The following CPPED1 variants were observed in gnomAD, a reference collection of about 807,000 sequenced individuals.
CPPED1 encodes serine/threonine-protein phosphatase CPPED1.
In CPPED1, 28 loss-of-function variants were observed where a neutral mutation model predicts 28.0. That is an observed-to-expected ratio of 1.00 (90% confidence interval 0.74 to 1.37). The LOEUF is 1.37. Ranked by LOEUF, CPPED1 falls within the 40% of genes most tolerant of loss-of-function variation. The probability of loss-of-function intolerance (pLI) is 0.00; values close to 1 mark genes in which losing one functional copy is unlikely to be tolerated. For synonymous variants in CPPED1, 198 were observed against 180.2 expected, an observed-to-expected ratio of 1.10 and a Z score of -0.79; for missense variants, 504 against 416.5, an observed-to-expected ratio of 1.21 and a Z score of -1.83.
At chr16:12,786,734 C>A (rs1470937411) in intron 1 of CPPED1, among the ~76,000 whole-genome samples, 1 of 152,172 alleles carries the variant, frequency 6.6e-6, no homozygotes, top group Admixed American at 6.5e-5. Flanking sequence ...TCCTGGCCAA[C>A]ATGGTGAAAC....
intron 1 of CPPED1, among the ~76,000 whole-genome samples, chr16:12,790,074 T>G (rs1438595363): frequency 1.3e-5 from 2 of 152,168 alleles, no homozygotes; most frequent in Non-Finnish European, 2.9e-5. Flanking sequence ...TCTTTAAACA[T>G]TATCAGGTGC....
At chr16:12,749,776 C>T (rs1013657702) in intron 2 of CPPED1, among the ~76,000 whole-genome samples, 1 of 152,108 alleles carries the variant, frequency 6.6e-6, no homozygotes, top group African/African-American at 2.4e-5. Context: ...TTAGTAGAGA[C>T]GGGGGATTTC....
chr16:12,745,391 T>C (rs1254111215), intron 2 of CPPED1, among the ~76,000 whole-genome samples: 1 of 152,176 alleles, frequency 6.6e-6, no homozygotes, highest in Admixed American at 6.5e-5. Context: ...TGCAGCACTG[T>C]TCACAATAGA....
chr16:12,702,774 G>T (rs1420208396), intron 3 of CPPED1, among the ~76,000 whole-genome samples: 1 of 151,732 alleles, frequency 6.6e-6, no homozygotes, highest in Non-Finnish European at 1.5e-5. Flanking sequence ...GAGGTGGGTG[G>T]ATCACCTGAC....
intron 3 of CPPED1, among the ~76,000 whole-genome samples, chr16:12,674,065 A>T (rs1567272356): frequency 6.6e-6 from 1 of 152,128 alleles, no homozygotes; most frequent in South Asian, 2.1e-4. Flanking sequence ...ATAATAATAA[A>T]AAATAACGAT....
chr16:12,741,597 T>C (rs571395673), intron 2 of CPPED1, among the ~76,000 whole-genome samples: 1 of 152,292 alleles, frequency 6.6e-6, no homozygotes, highest in South Asian at 2.1e-4. Context: ...TGAATTTCTA[T>C]GGGACAGAAG....
At chr16:12,725,494 G>A (rs2080165137) in intron 2 of CPPED1, among the ~76,000 whole-genome samples, 1 of 152,134 alleles carries the variant, frequency 6.6e-6, no homozygotes, top group South Asian at 2.1e-4. Context: ...GATTCACGCA[G>A]CATCAATCCC....
In CPPED1 at chr16:12,729,603, T is replaced by A. The variant is rs555010234; in HGVS notation, c.290-24554A>T. On this transcript the variant is annotated intron_variant, in intron 2 of 3. Coordinates refer to ENST00000381774, the MANE Select transcript of CPPED1 (RefSeq NM_018340.3). ...GGCGGAGGCATTAAAATTTTGTTTT[T>A]ATAAAGCCACTGAGCAGAAATGACT... Among the ~76,000 whole-genome samples, 1,238 of 152,314 alleles carry A rather than the reference T, an allele frequency of 8.1e-3. 18 individuals carry two copies. Among genetic ancestry groups the A allele is most frequent in the East Asian group, 0.063 (324 of 5,182 alleles).
Position 12,705,012 on chromosome 16 carries a change from C to T in CPPED1, c.327G>A (p.Lys109=), listed in dbSNP as rs962306773. 4.3e-6 allele frequency: 7 copies of T among 1,613,396 alleles called. No individual in the cohort carries two copies. In the African/African-American group the frequency reaches 6.7e-5, roughly 15 times the overall value. Residue 109 remains lysine, a synonymous_variant, in exon 3 of 4, where the codon AAG becomes AAA. Coordinates refer to ENST00000381774, the MANE Select transcript of CPPED1 (RefSeq NM_018340.3). ...PWRTEQTEDL[K]RVLRAVDRAI... ...CCCTGTCCACTGCCCTAAGCACTCGCTTCAGGTCCTCCGTCTGCTCCGTCC... is the reference window on the plus strand; with the variant it reads ...CCCTGTCCACTGCCCTAAGCACTCGTTTCAGGTCCTCCGTCTGCTCCGTCC...
At chr16:12,795,010 C>G (rs1007957540) in intron 1 of CPPED1, among the ~76,000 whole-genome samples, 7 of 152,206 alleles carry the variant, frequency 4.6e-5, no homozygotes, top group African/African-American at 1.4e-4. Flanking sequence ...ATTTCCAGAA[C>G]CTCTCTCACT....
chr16:12,735,909 A>G (rs2080224398), intron 2 of CPPED1, among the ~76,000 whole-genome samples: 1 of 152,208 alleles, frequency 6.6e-6, no homozygotes, highest in Non-Finnish European at 1.5e-5. Flanking sequence ...TAAGGAAAGA[A>G]AGTTATATTT....
chr16:12,745,509 C>G (rs1430805778), intron 2 of CPPED1, among the ~76,000 whole-genome samples: 1 of 152,214 alleles, frequency 6.6e-6, no homozygotes, highest in East Asian at 1.9e-4. Context: ...GGAACGAGAT[C>G]ATGTCTTTTG....
chr16:12,728,270 C>T (rs965480309), intron 2 of CPPED1, among the ~76,000 whole-genome samples: 4 of 151,890 alleles, frequency 2.6e-5, no homozygotes, highest in Non-Finnish European at 4.4e-5. Flanking sequence ...CAGTAATAAG[C>T]ATATTAAATG....
chr16:12,777,777 T>A (rs186850720), intron 2 of CPPED1, among the ~76,000 whole-genome samples: 1 of 152,156 alleles, frequency 6.6e-6, no homozygotes, highest in African/African-American at 2.4e-5. Context: ...CATCTAACAC[T>A]GTAATTGGCA....
intron 2 of CPPED1, among the ~76,000 whole-genome samples, chr16:12,724,919 TGGGACTACA>T (rs1382592174): frequency 6.6e-6 from 1 of 151,984 alleles, no homozygotes; most frequent in African/African-American, 2.4e-5. Flanking sequence ...CCCGAGTAGC[TGGGACTACA>T]GGCACCTGCC....
At chr16:12,779,108 C>T (rs577061321) in intron 2 of CPPED1, among the ~76,000 whole-genome samples, 2 of 152,300 alleles carry the variant, frequency 1.3e-5, no homozygotes, top group Admixed American at 1.3e-4. Context: ...GAATTCAGAA[C>T]AAGTTGGTAA....
At chr16:12,705,360 C>T (rs2080044371) in intron 2 of CPPED1, among the ~76,000 whole-genome samples, 1 of 152,150 alleles carries the variant, frequency 6.6e-6, no homozygotes, top group East Asian at 1.9e-4. Flanking sequence ...CAGTGGCTCA[C>T]ACCTGTAATA....
At chr16:12,786,014 T>C (rs1159824216) in intron 1 of CPPED1, among the ~76,000 whole-genome samples, 1 of 151,802 alleles carries the variant, frequency 6.6e-6, no homozygotes, top group Non-Finnish European at 1.5e-5. Context: ...ATGAGATTAC[T>C]CGGTCAAACA....
At chr16:12,762,943 C>A in intron 2 of CPPED1, among the ~76,000 whole-genome samples, 1 of 151,900 alleles carries the variant, frequency 6.6e-6, no homozygotes, top group Non-Finnish European at 1.5e-5. Context: ...GAAATGAAGT[C>A]TTGCGCCGGG....
Sources: gnomAD v4.1 joint callset for allele counts (sites outside exome capture counted in the v4.1 genomes callset) on GRCh38, gnomAD v4.1.1 for gene constraint, MANE v1.5 for transcripts, NCBI Gene and HGNC (gene_info 2026-07-23, HGNC 2026-07-21) for gene names.